The following LMBRD1 variants were observed in gnomAD, a reference collection of about 807,000 sequenced individuals.
The protein encoded by LMBRD1 is lysosomal cobalamin transport escort protein LMBD1.
LMBRD1 carries 64 observed loss-of-function variants against 74.8 expected under a neutral mutation model. The observed-to-expected ratio is 0.86, with a 90% CI of 0.70 to 1.05. The LOEUF is 1.05. Among genes scored for constraint, LMBRD1 ranks in the 50% least tolerant of loss-of-function variants. The pLI, the probability that LMBRD1 is intolerant of heterozygous loss-of-function variation, is 0.00. For missense variants in LMBRD1, 652 were observed against 645.9 expected (o/e 1.01, Z -0.10); for synonymous variants, 204 against 216.3 (o/e 0.94, Z 0.50).
chr6:69,698,234 T>C (rs952778553), intron 13 of LMBRD1, among the ~76,000 whole-genome samples: 1 of 152,020 alleles, frequency 6.6e-6, no homozygotes, highest in Non-Finnish European at 1.5e-5. Flanking sequence ...ACCAATATTA[T>C]GGATGGTACT....
intron 3 of LMBRD1, among the ~76,000 whole-genome samples, chr6:69,780,116 CCTTT>C (rs1485269836): frequency 7.6e-6 from 1 of 132,158 alleles, no homozygotes; most frequent in East Asian, 2.4e-4. Flanking sequence ...GTGGGAGGGT[CCTTT>C]TTTTTTTTTT....
chr6:69,782,786 T>G (rs1765867740), intron 2 of LMBRD1, among the ~76,000 whole-genome samples: 1 of 152,158 alleles, frequency 6.6e-6, no homozygotes, highest in Admixed American at 6.5e-5. Flanking sequence ...CCTAATGTAG[T>G]TACAAAAGAA....
chr6:69,682,892 G>A (rs1255498584), intron 14 of LMBRD1, among the ~76,000 whole-genome samples: 2 of 151,858 alleles, frequency 1.3e-5, no homozygotes, highest in Non-Finnish European at 2.9e-5. Context: ...AAATTTCTGG[G>A]AATTTAGAGA....
chr6:69,688,218 T>C (rs768298026), intron 14 of LMBRD1, among the ~76,000 whole-genome samples: 3 of 152,132 alleles, frequency 2.0e-5, no homozygotes, highest in African/African-American at 7.2e-5. Flanking sequence ...TCTGTTAAAA[T>C]TGGCTGTTCT....
intron 8 of LMBRD1, among the ~76,000 whole-genome samples, chr6:69,714,858 T>C (rs1372084362): frequency 6.6e-6 from 1 of 152,128 alleles, no homozygotes; most frequent in Non-Finnish European, 1.5e-5. Context: ...TTGTTGCTTG[T>C]CAAACTTCAT....
chr6:69,732,597 T>G (rs1271886892), intron 7 of LMBRD1, among the ~76,000 whole-genome samples: 1 of 152,210 alleles, frequency 6.6e-6, no homozygotes, highest in Non-Finnish European at 1.5e-5. Flanking sequence ...TTTCTATATT[T>G]GAATCTTTAT....
chr6:69,691,602 C>A (rs1227589138), intron 14 of LMBRD1, among the ~76,000 whole-genome samples: 1 of 151,896 alleles, frequency 6.6e-6, no homozygotes, highest in Non-Finnish European at 1.5e-5. Flanking sequence ...TTGGGCCGGG[C>A]ACGTTGGCTC....
chr6:69,697,520 C>A (rs1289150499), intron 14 of LMBRD1, 43 bp downstream of exon 14: 4 of 1,303,896 alleles, frequency 3.1e-6, no homozygotes, highest in South Asian at 1.2e-5. Context: ...CCAGGAAATT[C>A]TTTTCCTAAA....
chr6:69,774,416 G>A (rs918372302), intron 3 of LMBRD1, among the ~76,000 whole-genome samples: 2 of 152,192 alleles, frequency 1.3e-5, no homozygotes, highest in Admixed American at 1.3e-4. Context: ...GCCAGTTACA[G>A]AAGAACTGAA....
chr6:69,682,636 C>A (rs1437004462), intron 14 of LMBRD1, among the ~76,000 whole-genome samples: 1 of 151,992 alleles, frequency 6.6e-6, no homozygotes, highest in African/African-American at 2.4e-5. Flanking sequence ...CTGAGACTTA[C>A]TATCTGCTGG....
chr6:69,749,314 GT>G, intron 5 of LMBRD1, 26 bp downstream of exon 5: 1 of 1,504,894 alleles, frequency 6.6e-7, no homozygotes, highest in Non-Finnish European at 9.1e-7. Context: ...CCATTTCATG[GT>G]TTAAAAAAAA....
chr6:69,728,632 T>A (rs1766787479), intron 7 of LMBRD1, among the ~76,000 whole-genome samples: 1 of 152,212 alleles, frequency 6.6e-6, no homozygotes, highest in African/African-American at 2.4e-5. Context: ...GGCCCTTATT[T>A]ACAGTCTACT....
chr6:69,704,354 T>C (rs1451621875), intron 9 of LMBRD1, among the ~76,000 whole-genome samples: 4 of 152,112 alleles, frequency 2.6e-5, no homozygotes, highest in African/African-American at 7.2e-5. Flanking sequence ...TTGTTGGAAT[T>C]CTACTGTAGG....
chr6:69,701,534 G>T lies in LMBRD1; in HGVS notation c.992C>A (p.Ala331Asp). 1 of 1,594,844 alleles carries T rather than the reference G, an allele frequency of 6.3e-7. No homozygotes were observed. Among genetic ancestry groups the T allele is most frequent in the Non-Finnish European group, 8.6e-7 (1 of 1,165,340 alleles). The change falls in exon 11 of 16, where the codon GCT (alanine) becomes GAT (aspartate). Residue 331 changes from alanine (A) to aspartate (D), a missense_variant. Ala to Asp is a moderately radical substitution (Grantham distance 126). Around this residue, in one of 3 missense-constraint regions of LMBRD1, gnomAD observed 598 missense variants for 581.8 expected, o/e 1.03. Coordinates refer to ENST00000649934, the MANE Select transcript of LMBRD1 (RefSeq NM_018368.4). ...ISLFLSNLDK[A>D]LHSAGIDSGF... The stretch of plus-strand genomic sequence containing the variant: ...AGAATCTATTCCAGCTGAATGAAGA[G>T]CTTTATCTAAACTAAAAAAAATTAC...
At chr6:69,691,380 C>T (rs940295836) in intron 14 of LMBRD1, among the ~76,000 whole-genome samples, 1 of 151,990 alleles carries the variant, frequency 6.6e-6, no homozygotes, top group Non-Finnish European at 1.5e-5. Context: ...AAAGTTTTTT[C>T]TTCTTTAACA....
chr6:69,782,733 C>T (rs1765865922), intron 2 of LMBRD1, among the ~76,000 whole-genome samples: 1 of 151,866 alleles, frequency 6.6e-6, no homozygotes, highest in Admixed American at 6.6e-5. Flanking sequence ...AGGTTATATG[C>T]CTCTACTAAA....
At chr6:69,734,531 G>A (rs1264742287) in intron 7 of LMBRD1, among the ~76,000 whole-genome samples, 3 of 152,026 alleles carry the variant, frequency 2.0e-5, no homozygotes, top group East Asian at 1.9e-4. Context: ...GAGTACCTGC[G>A]ATTACAGGAG....
intron 3 of LMBRD1, among the ~76,000 whole-genome samples, chr6:69,759,299 G>A (rs1765327499): frequency 6.6e-6 from 1 of 152,036 alleles, no homozygotes; most frequent in Non-Finnish European, 1.5e-5. Flanking sequence ...CTAAAATGTA[G>A]ACAGACTTTT....
rs139277983 is a variant in LMBRD1 at position 69,705,000 on chromosome 6, A to T, written c.916-3047T>A. On this transcript the variant is annotated intron_variant, in intron 9 of 15. Transcript: ENST00000649934. ...ATTAAAATACTGAGTTTTATTTCAC[A>T]TGCATATTTTTGTCTCCCCACCATT... 4.8e-3 allele frequency among the ~76,000 whole-genome samples: 716 copies of T among 150,070 alleles called. 8 individuals carry two copies. The highest frequency in any genetic ancestry group is 0.017 in the Middle Eastern group (5 of 294).
Sources: gnomAD v4.1 joint callset for allele counts (sites outside exome capture counted in the v4.1 genomes callset) on GRCh38, gnomAD v4.1.1 for gene constraint, gnomAD v4.1.1 regional missense constraint, MANE v1.5 for transcripts, NCBI Gene and HGNC (gene_info 2026-07-23, HGNC 2026-07-21) for gene names.